PITPNM3: variants seen among roughly 807,000 people sequenced by gnomAD.
PITPNM3 encodes PITPNM family member 3.
Under a neutral mutation model 102.0 loss-of-function variants are expected in PITPNM3, and 26 were observed. The ratio of observed to expected loss-of-function variants is 0.25; its 90% CI spans 0.19 to 0.35. PITPNM3 has a LOEUF of 0.35. PITPNM3 is among the 10% of genes least tolerant of loss of function. The pLI is 1.00. For synonymous variants in PITPNM3, 578 were observed against 558.6 expected, an observed-to-expected ratio of 1.03 and a Z score of -0.49; for missense variants, 1,083 against 1,346.1, an observed-to-expected ratio of 0.80 and a Z score of 3.06.
chr17:6,535,927 G>A (rs957866364), intron 2 of PITPNM3, among the ~76,000 whole-genome samples: 9 of 152,016 alleles, frequency 5.9e-5, no homozygotes, highest in Non-Finnish European at 1.0e-4. Flanking sequence ...GGTCAGACGT[G>A]GTGGCACATG....
chr17:6,546,220 T>C (rs1910013103), intron 1 of PITPNM3, among the ~76,000 whole-genome samples: 1 of 152,206 alleles, frequency 6.6e-6, no homozygotes, highest in African/African-American at 2.4e-5. Flanking sequence ...CAAACTGCTA[T>C]ATGTGCCACC....
chr17:6,541,311 G>GT (rs1471973667), intron 1 of PITPNM3, among the ~76,000 whole-genome samples: 1 of 151,818 alleles, frequency 6.6e-6, no homozygotes, highest in Admixed American at 6.6e-5. Flanking sequence ...GTGTGTGTGT[G>GT]TGTGTATGCA....
At chr17:6,511,722 G>A (rs1393892232) in intron 3 of PITPNM3, among the ~76,000 whole-genome samples, 3 of 152,160 alleles carry the variant, frequency 2.0e-5, no homozygotes, top group Non-Finnish European at 4.4e-5. Context: ...AGTGGCTCAC[G>A]CCTGTAGTCC....
At chr17:6,518,344 G>A (rs1464161611) in intron 3 of PITPNM3, among the ~76,000 whole-genome samples, 1 of 151,944 alleles carries the variant, frequency 6.6e-6, no homozygotes, top group Non-Finnish European at 1.5e-5. Flanking sequence ...AGGTTTTCTG[G>A]GGACTGAGGT....
chr17:6,475,311 C>A (rs1279471098), intron 9 of PITPNM3, among the ~76,000 whole-genome samples: 1 of 152,184 alleles, frequency 6.6e-6, no homozygotes, highest in East Asian at 1.9e-4. Context: ...CGGGAAGAAT[C>A]CAAGTTACGT....
At chr17:6,553,068 C>T (rs1481885705) in intron 1 of PITPNM3, among the ~76,000 whole-genome samples, 1 of 152,208 alleles carries the variant, frequency 6.6e-6, no homozygotes, top group Admixed American at 6.5e-5. Context: ...CCGCACCGAG[C>T]CCCTGGCCAC....
At chr17:6,514,257 A>G (rs1268236703) in intron 3 of PITPNM3, among the ~76,000 whole-genome samples, 1 of 152,164 alleles carries the variant, frequency 6.6e-6, no homozygotes, top group Non-Finnish European at 1.5e-5. Flanking sequence ...GAAAAAATAG[A>G]TAAACCAAAC....
At chr17:6,505,200 A>ATATATATATATATATATATGTG (rs1567679821) in intron 3 of PITPNM3, among the ~76,000 whole-genome samples, 2 of 147,310 alleles carry the variant, frequency 1.4e-5, no homozygotes, top group African/African-American at 5.2e-5. Context: ...AATAAAATAT[A>ATATATATATATATATATATGTG]TATATATATA....
chr17:6,479,493 C>G (rs538938081), intron 6 of PITPNM3: 1 of 152,700 alleles, frequency 6.5e-6, no homozygotes, highest in African/African-American at 2.4e-5. Flanking sequence ...GCCCCCATCT[C>G]TGCTTCTGTT....
Position 6,504,201 on chromosome 17 carries a change from T to C in PITPNM3, c.227-627A>G, listed in dbSNP as rs1221739893. The stretch of plus-strand genomic sequence containing the variant: ...GTCTCCCCAAGGGACTCGAGAATCC[T>C]TCCCCATGCAAAGCTACCTCATTTC... On this transcript the variant is annotated intron_variant, in intron 3 of 19. Transcript: ENST00000262483. 2.0e-5 allele frequency among the ~76,000 whole-genome samples: 3 copies of C among 152,100 alleles called. No homozygotes were observed. The East Asian group carries it at 5.8e-4, about 29-fold the overall frequency.
rs201223846 is a variant in PITPNM3 at position 6,472,678 on chromosome 17, C to A, written c.1408G>T (p.Asp470Tyr). Residue 470 changes from aspartate (D) to tyrosine (Y), a missense_variant, in exon 11 of 20, where the codon GAT (aspartate) becomes TAT (tyrosine). Coordinates refer to ENST00000262483, the MANE Select transcript of PITPNM3 (RefSeq NM_031220.4). The surrounding 1 kb of genome is among the most constrained non-coding windows in gnomAD (Gnocchi z 4.1). Reference protein sequence around the residue: ...VPRYQRFPLGDGQSLLLADAL... With the variant: ...VPRYQRFPLGYGQSLLLADAL... ...CTACCGAGGAGGAGGGACTGCCCATCGCCCAGTGGGAACCTCTGGTAGCGA... is the reference window on the plus strand; with the variant it reads ...CTACCGAGGAGGAGGGACTGCCCATAGCCCAGTGGGAACCTCTGGTAGCGA... 2 of 1,613,372 alleles carry A rather than the reference C, an allele frequency of 1.2e-6. No homozygotes were observed. Among genetic ancestry groups the A allele is most frequent in the African/African-American group, 2.7e-5 (2 of 74,932 alleles).
chr17:6,469,924 G>A lies in PITPNM3; in HGVS notation c.1773+336C>T, dbSNP rs11653722. Among the ~76,000 whole-genome samples the A allele has an allele frequency of 0.4, 60,526 of 152,014 alleles. 13,031 individuals carry two copies. Among genetic ancestry groups the A allele is most frequent in the Middle Eastern group, 0.64 (189 of 294 alleles). ...CGCCGGCCTTTCTGCTATACCTTCT[G>A]TTTTGCAGACGAGGACATTGAGACT... On this transcript the variant is annotated intron_variant, in intron 13 of 19. Coordinates refer to ENST00000262483, the MANE Select transcript of PITPNM3 (RefSeq NM_031220.4). The surrounding 1 kb of genome is among the most constrained non-coding windows in gnomAD (Gnocchi z 4.0).
chr17:6,554,045 G>A (rs1004925684), intron 1 of PITPNM3, among the ~76,000 whole-genome samples: 4 of 152,058 alleles, frequency 2.6e-5, no homozygotes, highest in East Asian at 1.9e-4. Context: ...GAGACCAGGC[G>A]CAGTGCCTCA....
chr17:6,494,800 G>C (rs1906703693), intron 4 of PITPNM3, among the ~76,000 whole-genome samples: 1 of 152,204 alleles, frequency 6.6e-6, no homozygotes, highest in Non-Finnish European at 1.5e-5. Flanking sequence ...CCAAGCCCAT[G>C]TGCAAAAGGA....
In PITPNM3 at chr17:6,471,202, G is replaced by A. The variant is rs754230203; in HGVS notation, c.1583C>T (p.Ser528Leu). Reference protein sequence around the residue: ...MSEGSSHSESSESSDSMAPVG... With the variant: ...MSEGSSHSESLESSDSMAPVG... ...GGGTGCCATGCTGTCCGAGGACTCC[G>A]AGCTCTCGCTGTGGGAGCTCCCCTC... Residue 528 changes from serine (S) to leucine (L), a missense_variant, in exon 12 of 20, where the codon TCG (serine) becomes TTG (leucine). Ser to Leu is a moderately radical substitution (Grantham distance 145). Transcript: ENST00000262483. 2.1e-5 allele frequency: 34 copies of A among 1,613,058 alleles called. No individual in the cohort carries two copies. Among genetic ancestry groups the A allele is most frequent in the South Asian group, 3.3e-5 (3 of 91,046 alleles).
chr17:6,551,282 G>A (rs563859267), intron 1 of PITPNM3, among the ~76,000 whole-genome samples: 15 of 152,124 alleles, frequency 9.9e-5, no homozygotes, highest in South Asian at 2.1e-4. Flanking sequence ...GCGTGAACCC[G>A]GGAGGTGGAG....
rs1907415089 is a variant in PITPNM3 at position 6,505,173 on chromosome 17, C to T, written c.227-1599G>A. 3.9e-5 allele frequency among the ~76,000 whole-genome samples: 5 copies of T among 127,292 alleles called. No individual in the cohort carries two copies. In the South Asian group the frequency reaches 1.3e-3, roughly 34 times the overall value. The allele number at this position is 127,292 out of a possible 152,430, so 83.5% of individuals were successfully genotyped here. ...CCTGGGTGACAGAATGAGACTCCGT[C>T]TCCAAAAAAGAAGACAAATAAAATA... On this transcript the variant is annotated intron_variant, in intron 3 of 19. Transcript: ENST00000262483.
In PITPNM3 at chr17:6,468,367, G is replaced by A. The variant is rs373806440; in HGVS notation, c.1774-26C>T. The A allele has an allele frequency of 1.7e-5, 28 of 1,608,782 alleles. No individual in the cohort carries two copies. Among genetic ancestry groups the A allele is most frequent in the African/African-American group, 1.2e-4 (9 of 74,796 alleles). On this transcript the variant is annotated intron_variant, in intron 13 of 19. Transcript: ENST00000262483. The surrounding 1 kb of genome is among the most constrained non-coding windows in gnomAD (Gnocchi z 5.2). ...CTAGCCAAGAGCCGAGCAGGGCCCC[G>A]GTCAGGTCTTCTGGCTTCTCTGCTT...
intron 2 of PITPNM3, among the ~76,000 whole-genome samples, chr17:6,529,326 G>A (rs939896707): frequency 2.6e-5 from 4 of 152,194 alleles, no homozygotes; most frequent in African/African-American, 9.7e-5. Context: ...CAGGCGCAGT[G>A]ACTCACACCT....
Sources: gnomAD v4.1 joint callset for allele counts (sites outside exome capture counted in the v4.1 genomes callset) on GRCh38, gnomAD v4.1.1 for gene constraint, Gnocchi (gnomAD v3.1) non-coding constraint, MANE v1.5 for transcripts, NCBI Gene and HGNC (gene_info 2026-07-23, HGNC 2026-07-21) for gene names.